MEAK7: variants seen among roughly 807,000 people sequenced by gnomAD.
MEAK7 encodes MTOR associated protein MEAK7.
Under a neutral mutation model 40.5 loss-of-function variants are expected in MEAK7, and 68 were observed. That is an observed-to-expected ratio of 1.68 (90% CI 1.38 to 2.06). The LOEUF (loss-of-function observed/expected upper bound fraction) is 2.06. MEAK7 is among the 30% of genes most tolerant of loss of function. The pLI, the probability that MEAK7 is intolerant of heterozygous loss-of-function variation, is 0.00. For missense variants in MEAK7, 918 were observed against 580.5 expected, an observed-to-expected ratio of 1.58 and a Z score of -5.98; for synonymous variants, 338 against 231.9, an observed-to-expected ratio of 1.46 and a Z score of -4.16.
intron 2 of MEAK7, 167 bp downstream of exon 2, chr16:84,497,767 G>T: frequency 1.5e-6 from 2 of 1,295,300 alleles, no homozygotes; most frequent in Non-Finnish European, 1.1e-6. Context: ...AGACCGCATA[G>T]CTCACAAAGC....
chr16:84,482,751 TG>T, intron 5 of MEAK7, 41 bp from the exon 6 acceptor site: 1 of 1,610,726 alleles, frequency 6.2e-7, no homozygotes, highest in Non-Finnish European at 8.5e-7. Flanking sequence ...GGTCGGTGTC[TG>T]AGCCGGTCCC....
At chr16:84,483,903 C>G (rs769688943) in intron 5 of MEAK7, among the ~76,000 whole-genome samples, 11 of 152,154 alleles carry the variant, frequency 7.2e-5, no homozygotes, top group African/African-American at 2.7e-4. Context: ...CTAGAAAGTT[C>G]CACTGGAACC....
intron 7 of MEAK7, 82 bp downstream of exon 7, chr16:84,480,447 T>G: frequency 6.9e-7 from 1 of 1,445,376 alleles, no homozygotes; most frequent in East Asian, 2.4e-5. Context: ...GACAGAAGAG[T>G]AAAGGGGTAA....
chr16:84,486,496 A>G (rs1177604165), intron 5 of MEAK7, 135 bp downstream of exon 5: 5 of 1,438,796 alleles, frequency 3.5e-6, no homozygotes, highest in Non-Finnish European at 4.5e-6. Context: ...ACATTTTCCT[A>G]TCGCCCCGAC....
Position 84,478,192 on chromosome 16 carries a change from C to G in MEAK7, c.*1721G>C, listed in dbSNP as rs1183775021. 6.6e-6 allele frequency: 1 copy of G among 152,122 alleles called. No individual in the cohort carries two copies. 9.4% of individuals were successfully genotyped at this position (152,122 alleles called of 1,614,324 possible). ...AGAGATGCTTGAGGATCCTAATATT[C>G]TACTTCTGCCAACATGTCAGGTAGG... On this transcript the variant is annotated 3_prime_UTR_variant, in exon 8 of 8. Coordinates refer to ENST00000343629, the MANE Select transcript of MEAK7 (RefSeq NM_020947.4).
chr16:84,490,653 G>GGGGTGTGTGTGTGTGTGT (rs571630201), intron 3 of MEAK7, among the ~76,000 whole-genome samples: 3 of 104,502 alleles, frequency 2.9e-5, no homozygotes, highest in African/African-American at 8.1e-5. Context: ...AGCTAATCAA[G>GGGGTGTGTGTGTGTGTGT]ATGTGTGTGT....
At chr16:84,495,367 T>A (rs995830479) in intron 3 of MEAK7, among the ~76,000 whole-genome samples, 1 of 152,176 alleles carries the variant, frequency 6.6e-6, no homozygotes, top group African/African-American at 2.4e-5. Flanking sequence ...CAAACACACA[T>A]TGACTATTTC....
At chr16:84,486,599 C>T (rs373665445) in intron 5 of MEAK7, 32 bp downstream of exon 5, 260 of 1,561,040 alleles carry the variant, frequency 1.7e-4, no homozygotes, top group Non-Finnish European at 2.1e-4. Context: ...CGTGCTGTGC[C>T]ACTCGTCAAG....
Position 84,478,022 on chromosome 16 carries a change from C to G in MEAK7, c.*1891G>C, listed in dbSNP as rs565284275. The stretch of plus-strand genomic sequence containing the variant: ...GGCAGAAGCAGCAATCAATGGTCAC[C>G]AAGGCACAGACACTGACGGACATTT... On this transcript the variant is annotated 3_prime_UTR_variant, in exon 8 of 8. Coordinates refer to ENST00000343629, the MANE Select transcript of MEAK7 (RefSeq NM_020947.4). The G allele has an allele frequency of 2.7e-4, 41 of 150,712 alleles. No individual in the cohort carries two copies. The highest frequency in any genetic ancestry group is 9.7e-4 in the African/African-American group (40 of 41,242). 9.3% of individuals were successfully genotyped at this position (150,712 alleles called of 1,614,324 possible).
chr16:84,496,171 A>G (rs1434311620), intron 2 of MEAK7, among the ~76,000 whole-genome samples: 4 of 152,088 alleles, frequency 2.6e-5, no homozygotes, highest in African/African-American at 7.2e-5. Context: ...CTTTCCCCAC[A>G]TGTTCCTGGC....
At chr16:84,487,329 T>G in intron 4 of MEAK7, 2 of 395,978 alleles carry the variant, frequency 5.1e-6, no homozygotes, top group Non-Finnish European at 4.5e-6. Context: ...AGAATCAGTT[T>G]TCCCCTGTTT....
intron 5 of MEAK7, among the ~76,000 whole-genome samples, chr16:84,485,232 G>T (rs997032148): frequency 3.9e-5 from 6 of 152,170 alleles, no homozygotes; most frequent in African/African-American, 1.4e-4. Flanking sequence ...GCCCTGGGCT[G>T]GCACCTGGAA....
chr16:84,485,662 C>CTAT (rs1446617313), intron 5 of MEAK7, among the ~76,000 whole-genome samples: 44,261 of 147,054 alleles, frequency 0.3, 8,237 homozygotes, highest in Middle Eastern at 0.45. Flanking sequence ...ATCCATCCAT[C>CTAT]CATCTATCTA....
intron 1 of MEAK7, among the ~76,000 whole-genome samples, chr16:84,500,687 G>A (rs988584619): frequency 7.2e-5 from 11 of 152,160 alleles, no homozygotes; most frequent in African/African-American, 2.7e-4. Flanking sequence ...AGCAGCAGAA[G>A]AGCCCAGAAG....
In MEAK7 at chr16:84,504,248, C is replaced by G. The variant is rs375232205; in HGVS notation, c.-26+353G>C. ...AGACTCGCCTCCTCCGTGGAGGCAC[C>G]CCTCCCTTTCCGCGTCTACACAGGC... On this transcript the variant is annotated intron_variant, in intron 1 of 7. Transcript: ENST00000343629. 540 of 715,216 alleles carry G rather than the reference C, an allele frequency of 7.6e-4. 5 individuals carry two copies. In the African/African-American group the frequency reaches 9.9e-3, roughly 13 times the overall value. The allele number at this position is 715,216 out of a possible 1,614,324, so 44.3% of individuals were successfully genotyped here.
chr16:84,496,456 C>T (rs575873046), intron 2 of MEAK7, among the ~76,000 whole-genome samples: 11 of 152,268 alleles, frequency 7.2e-5, no homozygotes, highest in South Asian at 2.1e-4. Flanking sequence ...CTCTTCCTTC[C>T]GCCTTCTCCT....
chr16:84,494,012 C>T (rs1195563789), intron 3 of MEAK7, among the ~76,000 whole-genome samples: 3 of 151,940 alleles, frequency 2.0e-5, no homozygotes, highest in Non-Finnish European at 4.4e-5. Context: ...CTTGGCTAGG[C>T]TTGGAGCTTT....
chr16:84,480,100 C>T, intron 7 of MEAK7, 74 bp from the exon 8 acceptor site: 3 of 1,258,824 alleles, frequency 2.4e-6, no homozygotes, highest in Non-Finnish European at 3.3e-6. Context: ...GCTAGTTTTC[C>T]AGCCTTCTTG....
intron 6 of MEAK7, among the ~76,000 whole-genome samples, chr16:84,482,383 C>G (rs761693323): frequency 6.6e-6 from 1 of 152,212 alleles, no homozygotes; most frequent in Non-Finnish European, 1.5e-5. Context: ...GAAGCCCCAG[C>G]AGAGGCCACA....
Sources: gnomAD v4.1 joint callset for allele counts (sites outside exome capture counted in the v4.1 genomes callset) on GRCh38, gnomAD v4.1.1 for gene constraint, MANE v1.5 for transcripts, NCBI Gene and HGNC (gene_info 2026-07-23, HGNC 2026-07-21) for gene names.